UNC13C: variants seen among roughly 807,000 people sequenced by gnomAD.
UNC13C encodes the protein protein unc-13 homolog C.
UNC13C carries 174 observed loss-of-function variants against 245.4 expected under a neutral mutation model. The observed-to-expected ratio is 0.71, with a 90% CI of 0.63 to 0.80. The LOEUF (loss-of-function observed/expected upper bound fraction) is 0.80, where lower values mean the gene tolerates loss of function less well. UNC13C is among the 30% of genes least tolerant of loss of function. UNC13C has a pLI of 0.00. For synonymous variants in UNC13C, 992 were observed against 895.1 expected (o/e 1.11, Z -1.93); for missense variants, 2,829 against 2,602.9 (o/e 1.09, Z -1.89).
At chr15:53,936,774 G>A in the UNC13C span, among the ~76,000 whole-genome samples, 11 of 152,322 alleles carry the variant, frequency 7.2e-5, no homozygotes, top group Admixed American at 7.2e-4. Flanking sequence ...GCAAACTGCA[G>A]CAGCCCTATG....
chr15:54,036,451 T>G (rs1896581225), intron 2 of UNC13C, among the ~76,000 whole-genome samples: 1 of 152,198 alleles, frequency 6.6e-6, no homozygotes, highest in Admixed American at 6.5e-5. Context: ...CTAAAGCCAT[T>G]AGGGACTGCA....
At chr15:54,322,162 G>T in intron 14 of UNC13C, 67 bp downstream of exon 14, 1 of 1,404,658 alleles carries the variant, frequency 7.1e-7, no homozygotes, top group Non-Finnish European at 9.4e-7. Context: ...AAGAGACTTT[G>T]AACTTAAGAT....
At chr15:54,178,902 A>G (rs746928145) in intron 4 of UNC13C, among the ~76,000 whole-genome samples, 9 of 152,180 alleles carry the variant, frequency 5.9e-5, no homozygotes, top group Non-Finnish European at 1.3e-4. Flanking sequence ...ATAGTTTATC[A>G]TCTTCTCATG....
intron 30 of UNC13C, among the ~76,000 whole-genome samples, chr15:54,590,233 G>A (rs192594962): frequency 1.3e-4 from 20 of 152,244 alleles, no homozygotes; most frequent in Non-Finnish European, 2.1e-4. Flanking sequence ...GATGCCTCCA[G>A]ATTTGTTCTT....
chr15:54,423,563 G>T (rs1336783893), intron 19 of UNC13C, among the ~76,000 whole-genome samples: 1 of 151,728 alleles, frequency 6.6e-6, no homozygotes, highest in East Asian at 1.9e-4. Flanking sequence ...AACAAATTAA[G>T]ATATTCATGG....
intron 10 of UNC13C, among the ~76,000 whole-genome samples, chr15:54,270,781 A>C (rs1039290694): frequency 2.0e-5 from 3 of 152,160 alleles, no homozygotes; most frequent in African/African-American, 7.2e-5. Context: ...ATCAAAGCTC[A>C]GATGGGTTGT....
Position 54,143,700 on chromosome 15 carries a change from C to A in UNC13C, c.3071+16C>A. The A allele has an allele frequency of 1.2e-6, 2 of 1,606,946 alleles. No individual in the cohort carries two copies. Among genetic ancestry groups the A allele is most frequent in the Admixed American group, 1.7e-5 (1 of 59,850 alleles). On this transcript the variant is annotated intron_variant, in intron 4 of 32. Transcript: ENST00000260323. ...TGTGTGGTGGGTAAGTACCTTCATA[C>A]CTTTCTAATTTATTCCATTCATAGA...
chr15:54,497,331 A>G (rs1011399807), intron 20 of UNC13C, among the ~76,000 whole-genome samples: 2 of 152,122 alleles, frequency 1.3e-5, no homozygotes, highest in Non-Finnish European at 2.9e-5. Context: ...ACATCTGCCA[A>G]TTTGCAATAC....
intron 10 of UNC13C, among the ~76,000 whole-genome samples, chr15:54,274,198 ATAGGATAGATATT>A (rs2036769013): frequency 6.6e-6 from 1 of 152,162 alleles, no homozygotes; most frequent in South Asian, 2.1e-4. Context: ...TGACTTGACA[ATAGGATAGATATT>A]TGACTCCAAA....
At chr15:54,161,758 C>T (rs2032984234) in intron 4 of UNC13C, among the ~76,000 whole-genome samples, 1 of 152,024 alleles carries the variant, frequency 6.6e-6, no homozygotes, top group Non-Finnish European at 1.5e-5. Context: ...CCAGAACAGC[C>T]TGACCAACAC....
In UNC13C at chr15:54,622,385, C is replaced by G; in HGVS notation, c.6165C>G (p.Thr2055=). ...CTGTTCATGTGGACATCACTGCCAC[C>G]CCAGGAACGGGAGATCATAAAGTCA... ...QISVHVDITA[T]PGTGDHKVTV... is the part of the protein sequence containing the mutation. The change falls in exon 31 of 33, where the codon ACC becomes ACG. Residue 2055 remains threonine, a synonymous_variant. Coordinates refer to ENST00000260323, the MANE Select transcript of UNC13C (RefSeq NM_001080534.3). 1 of 1,613,184 alleles carries G rather than the reference C, an allele frequency of 6.2e-7. No individual in the cohort carries two copies.
chr15:54,415,774 A>T (rs922075310), intron 19 of UNC13C, among the ~76,000 whole-genome samples: 4 of 152,146 alleles, frequency 2.6e-5, no homozygotes, highest in Non-Finnish European at 5.9e-5. Flanking sequence ...CCTGGTCCCC[A>T]CCCTCATCAA....
chr15:53,984,240 G>A (rs1894037626), intron 1 of UNC13C, among the ~76,000 whole-genome samples: 1 of 152,030 alleles, frequency 6.6e-6, no homozygotes, highest in Middle Eastern at 3.4e-3. Flanking sequence ...TGCCTTCCCA[G>A]CTTTATCTCT....
chr15:54,054,667 A>G (rs1419243125), intron 2 of UNC13C, among the ~76,000 whole-genome samples: 1 of 152,142 alleles, frequency 6.6e-6, no homozygotes, highest in African/African-American at 2.4e-5. Context: ...TGGTTTTATA[A>G]TGTACTATGT....
chr15:53,849,206 T>G, the UNC13C span, among the ~76,000 whole-genome samples: 1 of 152,010 alleles, frequency 6.6e-6, no homozygotes, highest in Non-Finnish European at 1.5e-5. Context: ...AAAATTATTG[T>G]GATTATCTAT....
At chr15:54,264,921 T>G (rs1343842352) in intron 9 of UNC13C, among the ~76,000 whole-genome samples, 1 of 151,966 alleles carries the variant, frequency 6.6e-6, no homozygotes, top group Non-Finnish European at 1.5e-5. Flanking sequence ...TCATTTTGTA[T>G]TTACAAGATA....
chr15:54,614,087 TTAATCAGATACAA>T (rs1482274047), intron 30 of UNC13C, among the ~76,000 whole-genome samples: 1 of 152,018 alleles, frequency 6.6e-6, no homozygotes, highest in Non-Finnish European at 1.5e-5. Flanking sequence ...TTTTTAACTC[TTAATCAGATACAA>T]TAATGTTCGT....
chr15:53,995,696 A>G (rs1248485049), intron 1 of UNC13C, among the ~76,000 whole-genome samples: 1 of 152,116 alleles, frequency 6.6e-6, no homozygotes, highest in African/African-American at 2.4e-5. Flanking sequence ...AGCAGGTCCC[A>G]TTGTCGTGGA....
chr15:54,401,794 G>C (rs1385203488), intron 18 of UNC13C, among the ~76,000 whole-genome samples: 1 of 152,066 alleles, frequency 6.6e-6, no homozygotes, highest in African/African-American at 2.4e-5. Flanking sequence ...TGTCTGTCTT[G>C]TCTGAGGGTC....
Sources: allele counts gnomAD v4.1 joint callset (sites outside exome capture counted in the v4.1 genomes callset), GRCh38; gene constraint gnomAD v4.1.1; transcripts MANE v1.5; gene names NCBI Gene and HGNC (gene_info 2026-07-23, HGNC 2026-07-21).